Variants in NECAB2 observed in about 807,000 individuals in gnomAD.
NECAB2 encodes N-terminal EF-hand calcium binding protein 2.
NECAB2 carries 68 observed loss-of-function variants against 51.9 expected under a neutral mutation model. That is an observed-to-expected ratio of 1.31 (90% CI 1.08 to 1.60). The LOEUF is 1.60. NECAB2 is among the 40% of genes most tolerant of loss of function. The pLI is 0.00. For synonymous variants in NECAB2, 329 were observed against 203.5 expected, an observed-to-expected ratio of 1.62 and a Z score of -5.25; for missense variants, 854 against 490.3, an observed-to-expected ratio of 1.74 and a Z score of -7.00.
In NECAB2 at chr16:83,972,109, C is replaced by T. The variant is rs764520534; in HGVS notation, c.202-42C>T. On this transcript the variant is annotated intron_variant, in intron 1 of 12. Coordinates refer to ENST00000305202, the MANE Select transcript of NECAB2 (RefSeq NM_019065.3). ...GTCAGAGGCTGCAGGAAGCGCTTGC[C>T]TCTCCCTGGCCCAGGGCTGACTCCG... is the stretch of plus-strand genomic sequence containing the variant. 13 of 1,612,362 alleles carry T rather than the reference C, an allele frequency of 8.1e-6. No individual in the cohort carries two copies. In the South Asian group the frequency reaches 1.4e-4, roughly 18 times the overall value.
At chr16:83,983,877 C>T (rs868143755) in intron 5 of NECAB2, among the ~76,000 whole-genome samples, 38 of 151,980 alleles carry the variant, frequency 2.5e-4, no homozygotes, top group African/African-American at 8.5e-4. Flanking sequence ...TTATCCATAA[C>T]GCTTGGGTCT....
intron 5 of NECAB2, among the ~76,000 whole-genome samples, chr16:83,984,214 C>G (rs2084523771): frequency 6.6e-6 from 1 of 151,730 alleles, no homozygotes; most frequent in Admixed American, 6.6e-5. Flanking sequence ...CCAGGATGGT[C>G]TCCATCTCCT....
chr16:83,992,236 T>A (rs962055169), intron 6 of NECAB2, among the ~76,000 whole-genome samples: 1 of 151,718 alleles, frequency 6.6e-6, no homozygotes, highest in Non-Finnish European at 1.5e-5. Flanking sequence ...AGGCCTTGTT[T>A]GTGTGCTTGG....
chr16:83,967,633 T>C (rs1261567659), upstream of NECAB2, among the ~76,000 whole-genome samples: 1 of 54,324 alleles, frequency 1.8e-5, no homozygotes, highest in Non-Finnish European at 3.4e-5. Context: ...GGTAGGGGGG[T>C]GGATAGATGG....
Position 83,968,289 on chromosome 16 carries a change from A to AGAGCAGGAGACTTTTGGG in NECAB2, c.-352_-335dup, listed in dbSNP as rs1332801801. ...GGGAGGGGGGACTTTAGAAGCGGGG[A>AGAGCAGGAGACTTTTGGG]GAGCAGGAGACTTTTGGGGAGCAGG... On this transcript the variant is annotated 5_prime_UTR_variant, in exon 1 of 13. Coordinates refer to ENST00000305202, the MANE Select transcript of NECAB2 (RefSeq NM_019065.3). Among the ~76,000 whole-genome samples the AGAGCAGGAGACTTTTGGG allele has an allele frequency of 6.6e-6, 1 of 150,750 alleles. No homozygotes were observed. The highest frequency in any genetic ancestry group is 1.5e-5 in the Non-Finnish European group (1 of 67,586).
At chr16:83,987,150 A>C (rs575885613) in intron 5 of NECAB2, among the ~76,000 whole-genome samples, 1 of 152,224 alleles carries the variant, frequency 6.6e-6, no homozygotes, top group South Asian at 2.1e-4. Context: ...CTCCTGAATA[A>C]GGAAAGACTT....
chr16:83,969,742 C>T (rs1318308407), intron 1 of NECAB2, among the ~76,000 whole-genome samples: 1 of 152,148 alleles, frequency 6.6e-6, no homozygotes, highest in East Asian at 1.9e-4. Flanking sequence ...GGGATGTTGA[C>T]TGCGTGTTTC....
chr16:83,965,624 T>C, upstream of NECAB2: 1 of 1,613,140 alleles, frequency 6.2e-7, no homozygotes, highest in Non-Finnish European at 8.5e-7. Flanking sequence ...GTCCATCCTG[T>C]CGCCCAGCCC....
At position 83,994,622 on chromosome 16, in the gene NECAB2, AAAGG is replaced by A. The variant is rs1265580552; in HGVS notation, c.733_736del (p.Glu245ArgfsTer13). 1.2e-6 allele frequency: 2 copies of A among 1,614,030 alleles called. No homozygotes were observed. The highest frequency in any genetic ancestry group is 1.7e-6 in the Non-Finnish European group (2 of 1,180,044). ...TCTCTACCGCAGCCACGGAGGATGCAAAGGAAGAGGGTCTGGAAGCCCAGATCAG... is the reference window on the plus strand; with the variant it reads ...TCTCTACCGCAGCCACGGAGGATGCAAAGAGGGTCTGGAAGCCCAGATCAG... On this transcript the variant is annotated frameshift_variant, in exon 8 of 13. Coordinates refer to ENST00000305202, the MANE Select transcript of NECAB2 (RefSeq NM_019065.3). LOFTEE classifies it high-confidence loss of function.
At chr16:83,981,496 G>T (rs1276123886) in intron 5 of NECAB2, among the ~76,000 whole-genome samples, 1 of 152,024 alleles carries the variant, frequency 6.6e-6, no homozygotes, top group Non-Finnish European at 1.5e-5. Context: ...GGGGGTGGTG[G>T]TTCATGCATC....
At chr16:83,976,538 C>T (rs924869355) in intron 2 of NECAB2, among the ~76,000 whole-genome samples, 1 of 152,184 alleles carries the variant, frequency 6.6e-6, no homozygotes, top group Non-Finnish European at 1.5e-5. Context: ...ACACAGAAAG[C>T]AACAACTTCG....
At chr16:83,989,874 C>T (rs935640125) in intron 5 of NECAB2, among the ~76,000 whole-genome samples, 1 of 152,164 alleles carries the variant, frequency 6.6e-6, no homozygotes, top group African/African-American at 2.4e-5. Flanking sequence ...TGATTTCCCC[C>T]CAGGCTCCTC....
intron 5 of NECAB2, among the ~76,000 whole-genome samples, chr16:83,985,313 CAAAAAAAAAAAAAA>C (rs71148868): frequency 0.014 from 432 of 30,216 alleles, 12 homozygotes; most frequent in African/African-American, 0.029. Flanking sequence ...ATCTCTGTCT[CAAAAAAAAAAAAAA>C]AAAAAAAAAA....
chr16:83,990,470 G>T, intron 5 of NECAB2, 24 bp from the exon 6 acceptor site: 1 of 1,612,970 alleles, frequency 6.2e-7, no homozygotes, highest in Non-Finnish European at 8.5e-7. Flanking sequence ...TTTCCCCTCA[G>T]TGCCTCTTCT....
rs550909315 is a variant in NECAB2 at position 83,997,894 on chromosome 16, C to A, written c.850-311C>A. ...CTGAGTCCATCAACTATGAGTTTTT[C>A]TTGTCAGTGGATGTGCTGTGTCTCC... On this transcript the variant is annotated intron_variant, in intron 9 of 12. Transcript: ENST00000305202. 2.6e-4 allele frequency among the ~76,000 whole-genome samples: 39 copies of A among 152,242 alleles called. No individual in the cohort carries two copies. In the South Asian group the frequency reaches 8.1e-3, roughly 32 times the overall value.
chr16:83,993,807 C>A (rs1253757011), intron 6 of NECAB2, among the ~76,000 whole-genome samples: 1 of 152,168 alleles, frequency 6.6e-6, no homozygotes, highest in Non-Finnish European at 1.5e-5. Flanking sequence ...TGTCCTGTTA[C>A]ATCCCGACTG....
At chr16:83,998,798 C>T (rs915854695) in intron 10 of NECAB2, among the ~76,000 whole-genome samples, 1 of 135,762 alleles carries the variant, frequency 7.4e-6, no homozygotes, top group South Asian at 2.1e-4. Context: ...ATGTAGTTGC[C>T]CTTCTCCCCC....
At chr16:84,000,154 G>A (rs971394048) in intron 10 of NECAB2, among the ~76,000 whole-genome samples, 2 of 151,986 alleles carry the variant, frequency 1.3e-5, no homozygotes, top group African/African-American at 4.8e-5. Flanking sequence ...GACCCCTCAA[G>A]ACTTCCCAAA....
At chr16:83,990,033 C>T (rs532148304) in intron 5 of NECAB2, among the ~76,000 whole-genome samples, 3 of 152,250 alleles carry the variant, frequency 2.0e-5, no homozygotes, top group Non-Finnish European at 2.9e-5. Flanking sequence ...GAGGGAAGGT[C>T]GTGGATTCTT....
Sources: allele counts gnomAD v4.1 joint callset (sites outside exome capture counted in the v4.1 genomes callset), GRCh38; gene constraint gnomAD v4.1.1; transcripts MANE v1.5; gene names NCBI Gene and HGNC (gene_info 2026-07-23, HGNC 2026-07-21).